MTTP: variants seen among roughly 807,000 people sequenced by gnomAD.
MTTP encodes the protein microsomal triglyceride transfer protein large subunit.
Under a neutral mutation model 90.6 loss-of-function variants are expected in MTTP, and 49 were observed. That is an observed-to-expected ratio of 0.54 (90% CI 0.43 to 0.69). The LOEUF (loss-of-function observed/expected upper bound fraction) is 0.69. Among genes scored for constraint, MTTP ranks in the 30% least tolerant of loss-of-function variants. MTTP has a pLI of 0.00. For synonymous variants in MTTP, 347 were observed against 384.2 expected (o/e 0.90, Z 1.13); for missense variants, 945 against 1,067.5 (o/e 0.89, Z 1.60).
At chr4:99,599,045 T>C (rs1369127626) in intron 8 of MTTP, among the ~76,000 whole-genome samples, 1 of 152,174 alleles carries the variant, frequency 6.6e-6, no homozygotes, top group Non-Finnish European at 1.5e-5. Context: ...CTATTTATTG[T>C]AGGCTAGTGA....
intron 14 of MTTP, 21 bp from the exon 15 acceptor site, chr4:99,612,892 C>A: frequency 4.4e-6 from 7 of 1,602,642 alleles, no homozygotes; most frequent in Non-Finnish European, 6.0e-6. Context: ...GCGTCATGAA[C>A]ATTATATTGA....
At chr4:99,622,536 A>C in intron 17 of MTTP, 141 bp from the exon 18 acceptor site, 1 of 829,888 alleles carries the variant, frequency 1.2e-6, no homozygotes, top group African/African-American at 1.7e-5. Context: ...TCACCCATTC[A>C]TGGAGTAGCC....
intron 7 of MTTP, among the ~76,000 whole-genome samples, chr4:99,596,043 T>C (rs993592349): frequency 6.6e-6 from 1 of 151,978 alleles, no homozygotes; most frequent in Non-Finnish European, 1.5e-5. Context: ...CCCTTTAAAG[T>C]AAAACAAAAA....
At chr4:99,576,652 G>C (rs1159153688) in intron 1 of MTTP, among the ~76,000 whole-genome samples, 1 of 121,136 alleles carries the variant, frequency 8.3e-6, no homozygotes, top group Non-Finnish European at 1.6e-5. Flanking sequence ...CCGAGATCCC[G>C]CCACTGCACT....
At chr4:99,564,349 A>G (rs1724604764) in intron 1 of MTTP, 2 of 1,022,636 alleles carry the variant, frequency 2.0e-6, no homozygotes, top group South Asian at 1.9e-5. Context: ...TCTCTTGCCT[A>G]TATTATTTTT....
chr4:99,580,683 A>C (rs1725087497), intron 1 of MTTP, among the ~76,000 whole-genome samples: 1 of 151,960 alleles, frequency 6.6e-6, no homozygotes, highest in Non-Finnish European at 1.5e-5. Context: ...CTTCATCTAT[A>C]AAATGAGACT....
At chr4:99,577,471 A>G (rs1486017193) in intron 1 of MTTP, among the ~76,000 whole-genome samples, 1 of 151,796 alleles carries the variant, frequency 6.6e-6, no homozygotes, top group Non-Finnish European at 1.5e-5. Context: ...CAGGCATGGT[A>G]GCGCATGCCT....
rs762460929 is a variant in MTTP at position 99,582,170 on chromosome 4, T to C, written c.249+78T>C. 3 of 1,414,886 alleles carry C rather than the reference T, an allele frequency of 2.1e-6. No individual in the cohort carries two copies. In the South Asian group the frequency reaches 3.5e-5, roughly 16 times the overall value. 87.6% of individuals were successfully genotyped at this position (1,414,886 alleles called of 1,614,324 possible). A position where few individuals can be genotyped will look rare whatever the true frequency, so the allele number is the denominator to read the frequency against. ...GAAGTGTACCATTGGACAGCACTTG[T>C]ATTGGGTTCCCGTTTATAAATCCAT... On this transcript the variant is annotated intron_variant, in intron 2 of 17. Coordinates refer to ENST00000265517, the MANE Select transcript of MTTP (RefSeq NM_001386140.1).
Sources: gnomAD v4.1 joint callset for allele counts (sites outside exome capture counted in the v4.1 genomes callset) on GRCh38, gnomAD v4.1.1 for gene constraint, MANE v1.5 for transcripts, NCBI Gene and HGNC (gene_info 2026-07-23, HGNC 2026-07-21) for gene names.